The following KAZN variants were observed in gnomAD, a reference collection of about 807,000 sequenced individuals.
The protein encoded by KAZN is kazrin.
Under a neutral mutation model 87.4 loss-of-function variants are expected in KAZN, and 40 were observed. That is an observed-to-expected ratio of 0.46 (90% CI 0.36 to 0.60). The LOEUF (loss-of-function observed/expected upper bound fraction) is 0.60, where lower values mean the gene tolerates loss of function less well. Ranked by LOEUF, KAZN falls within the 20% of genes least tolerant of loss-of-function variation. The probability of loss-of-function intolerance (pLI) is 0.00; values close to 1 mark genes in which losing one functional copy is unlikely to be tolerated. For missense variants in KAZN, 898 were observed against 1,073.9 expected, an observed-to-expected ratio of 0.84 and a Z score of 2.29; for synonymous variants, 466 against 458.3, an observed-to-expected ratio of 1.02 and a Z score of -0.22.
At chr1:14,418,916 T>G (rs536111535) in intron 2 of KAZN, among the ~76,000 whole-genome samples, 1 of 152,204 alleles carries the variant, frequency 6.6e-6, no homozygotes, top group African/African-American at 2.4e-5. Flanking sequence ...GATGGCTGGA[T>G]GGGGGTTTGT....
At chr1:14,338,619 C>G (rs1476591520) in intron 2 of KAZN, among the ~76,000 whole-genome samples, 1 of 152,012 alleles carries the variant, frequency 6.6e-6, no homozygotes, top group African/African-American at 2.4e-5. Context: ...AGGAAATTTC[C>G]TTTTCTTGCT....
intron 1 of KAZN, among the ~76,000 whole-genome samples, chr1:14,800,663 C>T (rs780899776): frequency 2.0e-5 from 3 of 152,198 alleles, no homozygotes; most frequent in Non-Finnish European, 4.4e-5. Context: ...ATGATTGCAA[C>T]ACCACACTCC....
intron 2 of KAZN, among the ~76,000 whole-genome samples, chr1:14,321,306 G>A (rs990977241): frequency 7.9e-5 from 12 of 152,130 alleles, no homozygotes; most frequent in Admixed American, 7.2e-4. Context: ...AGAACATTTC[G>A]TATCGCGAAT....
At chr1:14,387,865 T>C (rs183538442) in intron 2 of KAZN, among the ~76,000 whole-genome samples, 11,345 of 152,172 alleles carry the variant, frequency 0.075, 507 homozygotes, top group East Asian at 0.15. Context: ...CCCGGCTGCT[T>C]TGTTTACCTA....
intron 2 of KAZN, among the ~76,000 whole-genome samples, chr1:14,366,685 A>G (rs1660028554): frequency 6.6e-6 from 1 of 152,246 alleles, no homozygotes; most frequent in East Asian, 1.9e-4. Context: ...CCCACCATCA[A>G]TGAAGCCCCA....
chr1:14,855,441 C>T (rs940204428), intron 1 of KAZN, among the ~76,000 whole-genome samples: 1 of 152,194 alleles, frequency 6.6e-6, no homozygotes, highest in South Asian at 2.1e-4. Context: ...TCTGACTCCA[C>T]CCTTAAAAGC....
chr1:14,861,192 A>G (rs1333693691), intron 1 of KAZN, among the ~76,000 whole-genome samples: 2 of 152,224 alleles, frequency 1.3e-5, no homozygotes, highest in Non-Finnish European at 2.9e-5. Flanking sequence ...AGCCTGGCCA[A>G]CATAGTGAAA....
intron 1 of KAZN, among the ~76,000 whole-genome samples, chr1:14,107,762 G>T (rs1423906824): frequency 6.6e-6 from 1 of 152,086 alleles, no homozygotes; most frequent in Admixed American, 6.6e-5. Context: ...TTGTATGCTG[G>T]GTTGTGTGCC....
At chr1:14,403,154 G>T (rs190302573) in intron 2 of KAZN, among the ~76,000 whole-genome samples, 112 of 152,160 alleles carry the variant, frequency 7.4e-4, no homozygotes, top group African/African-American at 2.6e-3. Context: ...CCATAATAGA[G>T]GTGACATTGC....
intron 2 of KAZN, among the ~76,000 whole-genome samples, chr1:14,253,861 A>C (rs1264081887): frequency 1.3e-5 from 2 of 149,832 alleles, no homozygotes; most frequent in African/African-American, 4.9e-5. Flanking sequence ...CAGATGTATG[A>C]GCTCCTGCAG....
At chr1:14,598,062 C>T (rs1676622401), upstream of KAZN, among the ~76,000 whole-genome samples, 2 of 152,210 alleles carry the variant, frequency 1.3e-5, no homozygotes, top group Admixed American at 1.3e-4. The surrounding 1 kb of genome is among the most constrained non-coding windows in gnomAD (Gnocchi z 4.2). Flanking sequence ...TAGGAGCTGG[C>T]TAAGGCTGCT....
intron 2 of KAZN, among the ~76,000 whole-genome samples, chr1:14,201,788 C>A (rs1034203871): frequency 6.6e-6 from 1 of 152,186 alleles, no homozygotes; most frequent in Admixed American, 6.5e-5. Flanking sequence ...CCTGCCTTAG[C>A]CTCCCGAGTA....
At chr1:14,737,667 G>T (rs768765097) in intron 1 of KAZN, among the ~76,000 whole-genome samples, 16 of 152,216 alleles carry the variant, frequency 1.1e-4, no homozygotes, top group African/African-American at 3.6e-4. Context: ...TGCTGGCTGA[G>T]CTGCATTTCT....
At chr1:14,191,820 C>T (rs796790537) in intron 2 of KAZN, among the ~76,000 whole-genome samples, 67 of 152,240 alleles carry the variant, frequency 4.4e-4, no homozygotes, top group African/African-American at 1.5e-3. Flanking sequence ...CAGCAGCTGC[C>T]TCACACAGGC....
chr1:14,449,186 A>C (rs1667134620), intron 2 of KAZN, among the ~76,000 whole-genome samples: 1 of 152,170 alleles, frequency 6.6e-6, no homozygotes, highest in South Asian at 2.1e-4. Context: ...GCCTGATTTC[A>C]AGAACACAGA....
In KAZN at chr1:14,994,506, T is replaced by A. The variant is rs562879952; in HGVS notation, c.418+33631T>A. Among the ~76,000 whole-genome samples the A allele has an allele frequency of 1.7e-4, 26 of 152,390 alleles. 1 individual carries two copies. In the Middle Eastern group the frequency reaches 0.01, roughly 60 times the overall value. ...CCCATCCAGGCTGAGAGGAACACAG[T>A]TGAGCATTTCTCAGTGACTCCGGGT... On this transcript the variant is annotated intron_variant, in intron 2 of 14. Coordinates refer to ENST00000376030, the MANE Select transcript of KAZN (RefSeq NM_201628.3).
chr1:14,470,139 A>G lies in KAZN; in HGVS notation c.250-128844A>G, dbSNP rs1255053043. Among the ~76,000 whole-genome samples the G allele has an allele frequency of 8.5e-5, 13 of 152,396 alleles. No individual in the cohort carries two copies. The South Asian group carries it at 2.3e-3, about 27-fold the overall frequency. On this transcript the variant is annotated intron_variant, in intron 2 of 16. Transcript: ENST00000636203. ...ATGCGCTTGAGAAATGTCCAAAGAC[A>G]TACAACAAACAGAATGAGAATAAGT...
intron 2 of KAZN, among the ~76,000 whole-genome samples, chr1:14,362,627 C>T (rs997166781): frequency 6.6e-6 from 1 of 152,206 alleles, no homozygotes; most frequent in African/African-American, 2.4e-5. Context: ...CTATTACACA[C>T]AGGCATTGCT....
At chr1:14,289,367 G>A (rs888552709) in intron 2 of KAZN, among the ~76,000 whole-genome samples, 1 of 152,188 alleles carries the variant, frequency 6.6e-6, no homozygotes, top group East Asian at 1.9e-4. Context: ...GGGTGCTCCT[G>A]TATTGGGTGC....
Sources: gnomAD v4.1 joint callset for allele counts (sites outside exome capture counted in the v4.1 genomes callset) on GRCh38, gnomAD v4.1.1 for gene constraint, Gnocchi (gnomAD v3.1) non-coding constraint, MANE v1.5 for transcripts, NCBI Gene and HGNC (gene_info 2026-07-23, HGNC 2026-07-21) for gene names.